PCDH7: variants seen among roughly 807,000 people sequenced by gnomAD.
PCDH7 encodes the protein protocadherin-7.
Under a neutral mutation model 58.9 loss-of-function variants are expected in PCDH7, and 17 were observed. The observed-to-expected ratio is 0.29, with a 90% CI of 0.20 to 0.43. The LOEUF is 0.43. Ranked by LOEUF, PCDH7 falls within the 20% of genes least tolerant of loss-of-function variation. PCDH7 has a pLI of 1.00. For missense variants in PCDH7, 1,274 were observed against 1,441.0 expected (o/e 0.88, Z 1.88); for synonymous variants, 664 against 616.4 (o/e 1.08, Z -1.14).
At chr4:30,831,185 C>A (rs1479351695) in intron 1 of PCDH7, among the ~76,000 whole-genome samples, 1 of 152,110 alleles carries the variant, frequency 6.6e-6, no homozygotes, top group African/African-American at 2.4e-5. Context: ...TCCTCTCCAA[C>A]TGGACAGAAT....
intron 1 of PCDH7, among the ~76,000 whole-genome samples, chr4:30,854,790 G>A (rs964132321): frequency 6.6e-6 from 1 of 152,060 alleles, no homozygotes; most frequent in Non-Finnish European, 1.5e-5. Context: ...ACTTGGAAAA[G>A]TGGAAGAGGA....
At chr4:30,968,880 C>G (rs1341487555) in intron 3 of PCDH7, among the ~76,000 whole-genome samples, 1 of 152,022 alleles carries the variant, frequency 6.6e-6, no homozygotes, top group Non-Finnish European at 1.5e-5. Flanking sequence ...GTTTCTTTAC[C>G]CTGTTACAAT....
chr4:30,910,051 G>T (rs1741526872), intron 1 of PCDH7, among the ~76,000 whole-genome samples: 1 of 151,968 alleles, frequency 6.6e-6, no homozygotes, highest in African/African-American at 2.4e-5. Flanking sequence ...TCTTTGGCAA[G>T]CCTGACAAAA....
intron 1 of PCDH7, among the ~76,000 whole-genome samples, chr4:30,794,737 T>A (rs1724569297): frequency 6.6e-6 from 1 of 152,090 alleles, no homozygotes; most frequent in Non-Finnish European, 1.5e-5. Context: ...ACATTTTAAA[T>A]TTTTAATACA....
intron 3 of PCDH7, among the ~76,000 whole-genome samples, chr4:31,013,425 T>C (rs1753352410): frequency 6.6e-6 from 1 of 150,930 alleles, no homozygotes; most frequent in Non-Finnish European, 1.5e-5. Context: ...CGTATATATA[T>C]ACACACATAT....
chr4:31,048,804 G>T lies in PCDH7; in HGVS notation c.*8-93669G>T, dbSNP rs941564988. ...CAAAGGAAATCGCACTTAACCCACT[G>T]CAGTGTAAGCTCTTCTTCCAAACAA... On this transcript the variant is annotated intron_variant, in intron 3 of 3. Transcript: ENST00000509759. 2.6e-5 allele frequency among the ~76,000 whole-genome samples: 4 copies of T among 152,008 alleles called. 1 individual carries two copies. The highest frequency in any genetic ancestry group is 2.0e-4 in the Admixed American group (3 of 15,238).
chr4:31,139,212 A>G (rs1719970141), intron 3 of PCDH7, among the ~76,000 whole-genome samples: 1 of 152,106 alleles, frequency 6.6e-6, no homozygotes, highest in Admixed American at 6.6e-5. Flanking sequence ...GCGGGCGTTG[A>G]GAAATACAGA....
chr4:31,142,220 G>A (rs903775646), intron 3 of PCDH7, among the ~76,000 whole-genome samples: 5 of 151,674 alleles, frequency 3.3e-5, no homozygotes, highest in Non-Finnish European at 7.4e-5. Flanking sequence ...ACATATATCT[G>A]TTTCATCTAC....
intron 1 of PCDH7, among the ~76,000 whole-genome samples, chr4:30,882,046 C>T (rs953907793): frequency 6.6e-6 from 1 of 151,730 alleles, no homozygotes; most frequent in Non-Finnish European, 1.5e-5. Flanking sequence ...GAAGTCCTTT[C>T]TCTTCCTCCT....
At chr4:31,120,418 G>A (rs1229695615) in intron 3 of PCDH7, among the ~76,000 whole-genome samples, 5 of 95,188 alleles carry the variant, frequency 5.3e-5, no homozygotes, top group South Asian at 6.8e-4. Flanking sequence ...CTTGTCTTTC[G>A]TTGTTTTTCT....
intron 3 of PCDH7, among the ~76,000 whole-genome samples, chr4:31,062,224 A>G (rs73218812): frequency 0.11 from 16,151 of 151,632 alleles, 1,013 homozygotes; most frequent in East Asian, 0.26. Context: ...CTCTAAGAAT[A>G]TTCTAGGAGT....
chr4:30,948,531 A>G, intron 2 of PCDH7, among the ~76,000 whole-genome samples: 1 of 152,166 alleles, frequency 6.6e-6, no homozygotes, highest in East Asian at 1.9e-4. Flanking sequence ...GGGGAATTCA[A>G]ACTTTAAAAT....
At chr4:31,006,104 T>C (rs1165281219) in intron 3 of PCDH7, among the ~76,000 whole-genome samples, 1 of 152,214 alleles carries the variant, frequency 6.6e-6, no homozygotes, top group Non-Finnish European at 1.5e-5. Context: ...TTTTGGCTAC[T>C]GTTGTTAGGG....
At chr4:30,908,425 C>T (rs1436716216) in intron 1 of PCDH7, among the ~76,000 whole-genome samples, 3 of 151,994 alleles carry the variant, frequency 2.0e-5, no homozygotes, top group Non-Finnish European at 2.9e-5. Context: ...GGATAGCATC[C>T]TTTAGTATAA....
At chr4:30,742,583 A>AT (rs1717222528) in intron 1 of PCDH7, among the ~76,000 whole-genome samples, 1 of 152,188 alleles carries the variant, frequency 6.6e-6, no homozygotes, top group Non-Finnish European at 1.5e-5. Flanking sequence ...AATGAGAGTG[A>AT]TTTGTGTGAA....
At chr4:30,995,189 T>C (rs6448730) in intron 3 of PCDH7, among the ~76,000 whole-genome samples, 112,091 of 151,970 alleles carry the variant, frequency 0.74, 42,570 homozygotes, top group African/African-American at 0.93. Flanking sequence ...ACATTGGTGC[T>C]GACAGTTTAT....
intron 1 of PCDH7, among the ~76,000 whole-genome samples, chr4:30,817,020 A>G (rs1317433745): frequency 6.6e-6 from 1 of 152,194 alleles, no homozygotes; most frequent in African/African-American, 2.4e-5. Flanking sequence ...TATCAAGAGA[A>G]GTCATTAACA....
chr4:31,113,541 G>T (rs1479819626), intron 3 of PCDH7, among the ~76,000 whole-genome samples: 2 of 152,048 alleles, frequency 1.3e-5, no homozygotes, highest in Non-Finnish European at 2.9e-5. Flanking sequence ...AGCTAAAACT[G>T]AGGTATTTTA....
intron 3 of PCDH7, among the ~76,000 whole-genome samples, chr4:31,125,764 G>A (rs528545207): frequency 6.6e-6 from 1 of 152,282 alleles, no homozygotes; most frequent in Non-Finnish European, 1.5e-5. Context: ...GCAGGCTAAT[G>A]TTCTGAGCAC....
Sources: gnomAD v4.1 joint callset for allele counts (sites outside exome capture counted in the v4.1 genomes callset) on GRCh38, gnomAD v4.1.1 for gene constraint, MANE v1.5 for transcripts, NCBI Gene and HGNC (gene_info 2026-07-23, HGNC 2026-07-21) for gene names.